The following DFFA variants were observed in gnomAD, a reference collection of about 807,000 sequenced individuals.
The protein encoded by DFFA is DFF45.
DFFA carries 14 observed loss-of-function variants against 28.0 expected under a neutral mutation model. The observed-to-expected ratio is 0.50, with a 90% CI of 0.33 to 0.78. The LOEUF is 0.78. Among genes scored for constraint, DFFA ranks in the 30% least tolerant of loss-of-function variants. DFFA has a pLI of 0.02. For missense variants in DFFA, 395 were observed against 407.1 expected (o/e 0.97, Z 0.26); for synonymous variants, 158 against 170.3 (o/e 0.93, Z 0.56).
rs1640906119 is a variant in DFFA at position 10,460,114 on chromosome 1, ACGTG to A, written c.*1372_*1375del. On this transcript the variant is annotated 3_prime_UTR_variant, in exon 6 of 6. Transcript: ENST00000377038. ...ACAAAAATTAGCCGGGCATGGTGGC[ACGTG>A]CCTGTAATCCCAGCTGCTCAGGAGG... is the stretch of plus-strand genomic sequence containing the variant. 6.6e-6 allele frequency: 1 copy of A among 151,734 alleles called. No homozygotes were observed. The highest frequency in any genetic ancestry group is 2.4e-5 in the African/African-American group (1 of 41,326). 9.4% of individuals were successfully genotyped at this position (151,734 alleles called of 1,614,324 possible).
chr1:10,465,497 C>T (rs1167502235), intron 3 of DFFA, among the ~76,000 whole-genome samples: 1 of 151,676 alleles, frequency 6.6e-6, no homozygotes, highest in Non-Finnish European at 1.5e-5. Flanking sequence ...AACTCTTGAC[C>T]TTGTGATCCA....
chr1:10,467,424 G>A (rs1049437784), intron 2 of DFFA, 92 bp from the exon 3 acceptor site: 1 of 1,389,654 alleles, frequency 7.2e-7, no homozygotes, highest in East Asian at 2.3e-5. Context: ...TGAGGATCTA[G>A]ATTAATTTCA....
chr1:10,465,425 C>A (rs1000272447), intron 3 of DFFA, among the ~76,000 whole-genome samples: 3 of 152,162 alleles, frequency 2.0e-5, no homozygotes. Context: ...GCCGCCACGC[C>A]TGGCTAATTT....
Position 10,461,622 on chromosome 1 carries a change from G to A in DFFA, c.864C>T (p.Ala288=). 6.2e-7 allele frequency: 1 copy of A among 1,614,250 alleles called. No homozygotes were observed. The highest frequency in any genetic ancestry group is 8.5e-7 in the Non-Finnish European group (1 of 1,180,046). ...GGCGCAGGGCGAGCTCCCGCTCACA[G>A]GCCTCCTGAACAGTCTCCGTCTTCT... is the stretch of plus-strand genomic sequence containing the variant. ...DIKKTETVQE[A]CERELALRLQ... is the part of the protein sequence containing the mutation. Residue 288 remains alanine, a synonymous_variant, in exon 6 of 6, where the codon GCC becomes GCT. Coordinates refer to ENST00000377038, the MANE Select transcript of DFFA (RefSeq NM_004401.3).
At chr1:10,471,447 A>C (rs1436913873) in intron 1 of DFFA, among the ~76,000 whole-genome samples, 2 of 152,210 alleles carry the variant, frequency 1.3e-5, no homozygotes, top group African/African-American at 2.4e-5. Context: ...ATGTCAGGAA[A>C]AAAAATACAT....
rs776779999 is a variant in DFFA at position 10,463,429 on chromosome 1, A to G, written c.631+2T>C. 1 of 1,609,338 alleles carries G rather than the reference A, an allele frequency of 6.2e-7. No homozygotes were observed. Among genetic ancestry groups the G allele is most frequent in the African/African-American group, 1.3e-5 (1 of 74,874 alleles). ...AGTGACTCTGCCTGCAGAGAGTCCT[A>G]CCTTCCTGCTTTGACAAGAGGCTGC... is the stretch of plus-strand genomic sequence containing the variant. On this transcript the variant is annotated splice_donor_variant, in intron 4 of 5. Coordinates refer to ENST00000377038, the MANE Select transcript of DFFA (RefSeq NM_004401.3). LOFTEE classifies it high-confidence loss of function.
chr1:10,472,197 T>C lies in DFFA; in HGVS notation c.136+126A>G. On this transcript the variant is annotated intron_variant, in intron 1 of 5. Transcript: ENST00000377038. The surrounding 1 kb of genome is among the most constrained non-coding windows in gnomAD (Gnocchi z 5.0). ...TCGCTATGCCCACTCGGACCGTTTC[T>C]GTCCCAAGCCTCCACCCGAGATACA... 8.1e-7 allele frequency: 1 copy of C among 1,232,760 alleles called. No individual in the cohort carries two copies. Among genetic ancestry groups the C allele is most frequent in the Non-Finnish European group, 1.1e-6 (1 of 911,144 alleles). The allele number at this position is 1,232,760 out of a possible 1,614,324, so 76.4% of individuals were successfully genotyped here.
intron 5 of DFFA, chr1:10,462,489 GGAGCAA>G (rs1640962299): frequency 1.0e-6 from 1 of 987,940 alleles, no homozygotes; most frequent in African/African-American, 1.7e-5. Flanking sequence ...AAGTTTACTT[GGAGCAA>G]CTCTAAGGTC....
intron 5 of DFFA, 48 bp from the exon 6 acceptor site, chr1:10,461,750 C>T: frequency 1.9e-6 from 3 of 1,603,874 alleles, no homozygotes; most frequent in South Asian, 2.2e-5. Context: ...CTGTGCGCCT[C>T]TCCTGCTGCT....
intron 5 of DFFA, chr1:10,462,710 A>G (rs927713950): frequency 6.6e-6 from 7 of 1,068,632 alleles, no homozygotes; most frequent in African/African-American, 3.2e-5. Context: ...TGTGACATTG[A>G]CAGACCTCAG....
Position 10,461,345 on chromosome 1 carries a change from C to G in DFFA, c.*145G>C. 7.2e-7 allele frequency: 1 copy of G among 1,381,370 alleles called. No homozygotes were observed. 85.6% of individuals were successfully genotyped at this position (1,381,370 alleles called of 1,614,324 possible). On this transcript the variant is annotated 3_prime_UTR_variant, in exon 6 of 6. Transcript: ENST00000377038. ...GCTAAAAAAAAAATTGGTGGAACGG[C>G]GTATGTTGAGACCTGGAATAGCTTC...
Position 10,461,635 on chromosome 1 carries a change from G to C in DFFA, c.851C>G (p.Thr284Ser), listed in dbSNP as rs1640941427. ...ALNWDIKKTE[T>S]VQEACERELA... The stretch of plus-strand genomic sequence containing the variant: ...CTCCCGCTCACAGGCCTCCTGAACA[G>C]TCTCCGTCTTCTTTATGTCCCAGTT... The change falls in exon 6 of 6, where the codon ACT (threonine) becomes AGT (serine). Residue 284 changes from threonine (T) to serine (S), a missense_variant. Thr to Ser is a moderately conservative substitution (Grantham distance 58). Coordinates refer to ENST00000377038, the MANE Select transcript of DFFA (RefSeq NM_004401.3). The C allele has an allele frequency of 1.2e-6, 2 of 1,614,128 alleles. No individual in the cohort carries two copies. Among genetic ancestry groups the C allele is most frequent in the South Asian group, 1.1e-5 (1 of 91,094 alleles).
chr1:10,463,393 T>C, intron 4 of DFFA, 38 bp downstream of exon 4: 4 of 1,582,370 alleles, frequency 2.5e-6, no homozygotes, highest in Non-Finnish European at 3.4e-6. Context: ...CCATCAGCCC[T>C]GAATTCTCAG....
intron 4 of DFFA, 47 bp from the exon 5 acceptor site, chr1:10,463,256 A>C: frequency 1.3e-6 from 2 of 1,597,602 alleles, no homozygotes; most frequent in South Asian, 2.2e-5. Flanking sequence ...GTGACCACAC[A>C]GCCACATGAA....
At position 10,457,507 on chromosome 1, in the gene DFFA, T is replaced by C. The variant is rs1291219833; in HGVS notation, c.*3983A>G. The C allele has an allele frequency of 6.6e-6, 1 of 152,002 alleles. No homozygotes were observed. Among genetic ancestry groups the C allele is most frequent in the Non-Finnish European group, 1.5e-5 (1 of 68,032 alleles). The allele number at this position is 152,002 out of a possible 1,614,324, so 9.4% of individuals were successfully genotyped here. On this transcript the variant is annotated 3_prime_UTR_variant, in exon 6 of 6. Coordinates refer to ENST00000377038, the MANE Select transcript of DFFA (RefSeq NM_004401.3). ...AGCCAACATGGTGAAACCCTGTGTC[T>C]ACTAAAAATACCAAAAAAAACTTAG...
chr1:10,466,542 C>T (rs1045679603), intron 3 of DFFA, among the ~76,000 whole-genome samples: 1 of 152,038 alleles, frequency 6.6e-6, no homozygotes, highest in South Asian at 2.1e-4. Context: ...GCTACTGGCT[C>T]AAAGTCGTGG....
rs1442037124 is a variant in DFFA at position 10,463,220 on chromosome 1, G to A, written c.632-11C>T. The A allele has an allele frequency of 2.5e-6, 4 of 1,612,334 alleles. No individual in the cohort carries two copies. The highest frequency in any genetic ancestry group is 2.5e-6 in the Non-Finnish European group (3 of 1,178,680). ...AGGCAGCTTTGGACTCTGCAAAGGA[G>A]ACACGAGACAGAGATCAGACGTGGT... On this transcript the variant is annotated splice_polypyrimidine_tract_variant and intron_variant, in intron 4 of 5. Coordinates refer to ENST00000377038, the MANE Select transcript of DFFA (RefSeq NM_004401.3).
intron 1 of DFFA, among the ~76,000 whole-genome samples, chr1:10,470,757 A>G (rs1234891645): frequency 6.7e-6 from 1 of 149,250 alleles, no homozygotes; most frequent in African/African-American, 2.5e-5. Flanking sequence ...CCTATGTGTA[A>G]AAATGTCAAA....
chr1:10,461,337 T>C lies in DFFA; in HGVS notation c.*153A>G, dbSNP rs1244276957. 7.4e-7 allele frequency: 1 copy of C among 1,348,934 alleles called. No homozygotes were observed. Among genetic ancestry groups the C allele is most frequent in the Non-Finnish European group, 9.8e-7 (1 of 1,025,300 alleles). The allele number at this position is 1,348,934 out of a possible 1,614,324, so 83.6% of individuals were successfully genotyped here. A position where few individuals can be genotyped will look rare whatever the true frequency, so the allele number is the denominator to read the frequency against. On this transcript the variant is annotated 3_prime_UTR_variant, in exon 6 of 6. Transcript: ENST00000377038. ...CTGGTGGGGCTAAAAAAAAAATTGG[T>C]GGAACGGCGTATGTTGAGACCTGGA...
Sources: allele counts gnomAD v4.1 joint callset (sites outside exome capture counted in the v4.1 genomes callset), GRCh38; gene constraint gnomAD v4.1.1; non-coding constraint Gnocchi (gnomAD v3.1); transcripts MANE v1.5; gene names NCBI Gene and HGNC (gene_info 2026-07-23, HGNC 2026-07-21).